GLI3: variants seen among roughly 807,000 people sequenced by gnomAD.
GLI3 encodes the protein GLI family zinc finger 3.
Under a neutral mutation model 100.8 loss-of-function variants are expected in GLI3, and 20 were observed. The ratio of observed to expected loss-of-function variants is 0.20; its 90% CI spans 0.14 to 0.29. The LOEUF is 0.29. Among genes scored for constraint, GLI3 ranks in the 10% least tolerant of loss-of-function variants. The pLI, the probability that GLI3 is intolerant of heterozygous loss-of-function variation, is 1.00. For missense variants in GLI3, 2,040 were observed against 2,128.5 expected, an observed-to-expected ratio of 0.96 and a Z score of 0.82; for synonymous variants, 938 against 860.5, an observed-to-expected ratio of 1.09 and a Z score of -1.58.
At chr7:42,107,135 G>A (rs1367289300) in intron 3 of GLI3, among the ~76,000 whole-genome samples, 3 of 152,016 alleles carry the variant, frequency 2.0e-5, no homozygotes, top group Non-Finnish European at 4.4e-5. Context: ...GGGCAACACA[G>A]CAAGACCCTG....
intron 3 of GLI3, among the ~76,000 whole-genome samples, chr7:42,097,501 G>A (rs1156887540): frequency 6.6e-6 from 1 of 152,136 alleles, no homozygotes; most frequent in Non-Finnish European, 1.5e-5. Context: ...GGCCTACCCC[G>A]GGAGCCCCCC....
At chr7:42,202,080 CAAAAAA>C (rs35682171) in intron 2 of GLI3, among the ~76,000 whole-genome samples, 25 of 92,198 alleles carry the variant, frequency 2.7e-4, no homozygotes, top group African/African-American at 8.3e-4. Context: ...GACTCCGTCT[CAAAAAA>C]AAAAAAAAAA....
At chr7:42,146,951 T>C (rs193109747) in intron 3 of GLI3, among the ~76,000 whole-genome samples, 3 of 152,326 alleles carry the variant, frequency 2.0e-5, no homozygotes, top group East Asian at 1.9e-4. Context: ...AGAAATAAGA[T>C]GGACAAGCAC....
chr7:42,049,754 C>T (rs373772131), intron 4 of GLI3, among the ~76,000 whole-genome samples: 6 of 152,220 alleles, frequency 3.9e-5, no homozygotes, highest in Admixed American at 1.3e-4. Context: ...CCTTCTCTAA[C>T]GGAAAACATT....
intron 10 of GLI3, among the ~76,000 whole-genome samples, chr7:42,020,743 A>T (rs1788912036): frequency 6.6e-6 from 1 of 152,092 alleles, no homozygotes; most frequent in Non-Finnish European, 1.5e-5. Context: ...ACAAAAAATT[A>T]GCCGGGCGTG....
intron 3 of GLI3, among the ~76,000 whole-genome samples, chr7:42,122,475 C>T (rs1404884121): frequency 3.3e-5 from 5 of 152,062 alleles, no homozygotes; most frequent in African/African-American, 1.2e-4. Flanking sequence ...CCAATATGGG[C>T]TCTCATGACA....
At chr7:42,048,756 G>C in intron 4 of GLI3, 60 bp from the exon 5 acceptor site, 1 of 1,094,530 alleles carries the variant, frequency 9.1e-7, no homozygotes, top group Non-Finnish European at 1.4e-6. Flanking sequence ...TCCACAGGCA[G>C]AGGCTGTCTC....
At chr7:42,176,184 T>C (rs1430677029) in intron 2 of GLI3, among the ~76,000 whole-genome samples, 1 of 152,158 alleles carries the variant, frequency 6.6e-6, no homozygotes, top group Non-Finnish European at 1.5e-5. Flanking sequence ...CATTTACTCA[T>C]ACCCCATTAC....
chr7:42,197,950 A>C (rs1379952051), intron 2 of GLI3, among the ~76,000 whole-genome samples: 1 of 152,186 alleles, frequency 6.6e-6, no homozygotes, highest in East Asian at 1.9e-4. Context: ...TGATTCGGGT[A>C]CATATAGGTG....
At chr7:42,000,591 GA>G (rs934428569) in intron 10 of GLI3, among the ~76,000 whole-genome samples, 1 of 150,022 alleles carries the variant, frequency 6.7e-6, no homozygotes, top group Non-Finnish European at 1.5e-5. Flanking sequence ...AAAACAATCA[GA>G]AAAAAATTAG....
intron 3 of GLI3, among the ~76,000 whole-genome samples, chr7:42,099,415 T>C (rs367611853): frequency 6.6e-6 from 1 of 152,370 alleles, no homozygotes; most frequent in Middle Eastern, 3.4e-3. Flanking sequence ...AAATAGAGCA[T>C]ACTTAACAGG....
Position 42,023,627 on chromosome 7 carries a change from G to T in GLI3, c.1357-19C>A. ...GCTGTTCCTGAAAGAAGAGGGTGGG[G>T]GGCAGGGAACAGAGAAGGGGGAAGA... On this transcript the variant is annotated intron_variant, in intron 9 of 14. Coordinates refer to ENST00000395925, the MANE Select transcript of GLI3 (RefSeq NM_000168.6). 2 of 1,593,812 alleles carry T rather than the reference G, an allele frequency of 1.3e-6. No homozygotes were observed. Among genetic ancestry groups the T allele is most frequent in the Non-Finnish European group, 1.7e-6 (2 of 1,161,646 alleles).
chr7:42,056,065 A>G (rs562756447), intron 4 of GLI3, among the ~76,000 whole-genome samples: 19 of 152,284 alleles, frequency 1.2e-4, no homozygotes, highest in African/African-American at 2.2e-4. Context: ...CCACCATGTG[A>G]GAAGTGCCTT....
intron 10 of GLI3, among the ~76,000 whole-genome samples, chr7:42,021,316 T>C (rs1024598469): frequency 6.6e-6 from 1 of 152,258 alleles, no homozygotes; most frequent in Non-Finnish European, 1.5e-5. Flanking sequence ...GAATTTCTTC[T>C]GGTTAATCTG....
intron 10 of GLI3, among the ~76,000 whole-genome samples, chr7:41,999,589 G>A (rs1345584857): frequency 6.6e-6 from 1 of 152,092 alleles, no homozygotes; most frequent in African/African-American, 2.4e-5. Flanking sequence ...CAGGGGCCCT[G>A]AAGCTCTCTG....
At chr7:42,009,875 C>T (rs1322530935) in intron 10 of GLI3, among the ~76,000 whole-genome samples, 3 of 152,218 alleles carry the variant, frequency 2.0e-5, no homozygotes, top group Non-Finnish European at 4.4e-5. Context: ...CTGGATCCCA[C>T]AGCATCCTCT....
intron 10 of GLI3, among the ~76,000 whole-genome samples, chr7:42,022,558 T>A (rs1325925320): frequency 1.3e-5 from 2 of 152,176 alleles, no homozygotes; most frequent in Admixed American, 6.5e-5. Context: ...ATTTTTCATA[T>A]TAAAAGTTTA....
At chr7:42,069,804 T>C (rs1398493462) in intron 4 of GLI3, among the ~76,000 whole-genome samples, 2 of 152,184 alleles carry the variant, frequency 1.3e-5, no homozygotes, top group Non-Finnish European at 2.9e-5. Context: ...TAATACTAAA[T>C]AAGGAATGTC....
At chr7:42,035,882 C>A (rs1789424870) in intron 7 of GLI3, among the ~76,000 whole-genome samples, 1 of 152,138 alleles carries the variant, frequency 6.6e-6, no homozygotes, top group Non-Finnish European at 1.5e-5. Flanking sequence ...GATGGGGAGT[C>A]TTCCAGGTGA....
Sources: gnomAD v4.1 joint callset for allele counts (sites outside exome capture counted in the v4.1 genomes callset) on GRCh38, gnomAD v4.1.1 for gene constraint, MANE v1.5 for transcripts, NCBI Gene and HGNC (gene_info 2026-07-23, HGNC 2026-07-21) for gene names.